The following ZDHHC13 variants were observed in gnomAD, a reference collection of about 807,000 sequenced individuals.
ZDHHC13 encodes the protein palmitoyltransferase ZDHHC13.
ZDHHC13 carries 85 observed loss-of-function variants against 86.0 expected under a neutral mutation model. That is an observed-to-expected ratio of 0.99 (90% confidence interval 0.83 to 1.18). The LOEUF (loss-of-function observed/expected upper bound fraction) is 1.18. ZDHHC13 is among the 50% of genes most tolerant of loss of function. The pLI, the probability that ZDHHC13 is intolerant of heterozygous loss-of-function variation, is 0.00. For missense variants in ZDHHC13, 711 were observed against 730.2 expected (o/e 0.97, Z 0.30); for synonymous variants, 263 against 246.4 (o/e 1.07, Z -0.63).
chr11:19,141,908 C>G (rs552669174), intron 1 of ZDHHC13, among the ~76,000 whole-genome samples: 3 of 152,234 alleles, frequency 2.0e-5, no homozygotes, highest in Admixed American at 6.5e-5. Flanking sequence ...TTTACCCTCC[C>G]AAATTATGCA....
In ZDHHC13 at chr11:19,165,136, C is replaced by T. The variant is rs201511447; in HGVS notation, c.1381C>T (p.Arg461Trp). ...RYDQHCLWTG[R>W]CIGFGNHHYY... The stretch of plus-strand genomic sequence containing the variant: ...TGATCAACACTGCCTGTGGACTGGA[C>T]GGTGCATAGGTGAGAGATTTAATTT... Residue 461 changes from arginine (R) to tryptophan (W), a missense_variant, in exon 13 of 17, where the codon CGG becomes TGG. By Grantham distance (101) the Arg-to-Trp change is moderately radical. Transcript: ENST00000446113. The T allele has an allele frequency of 2.9e-4, 473 of 1,611,678 alleles. 1 individual carries two copies. The highest frequency in any genetic ancestry group is 4.9e-4 in the Admixed American group (29 of 59,680).
chr11:19,166,309 C>A lies in ZDHHC13; in HGVS notation c.1398C>A (p.Gly466=), dbSNP rs770684660. ...TTTTTCTTTTTTCTTGAGGTTTTGG[C>A]AACCATCACTATTACATATTCTTCT... ...CLWTGRCIGF[G]NHHYYIFFLF... The change falls in exon 14 of 17, where the codon GGC becomes GGA. Residue 466 remains glycine, a synonymous_variant. Transcript: ENST00000446113. The A allele has an allele frequency of 6.2e-7, 1 of 1,607,694 alleles. No individual in the cohort carries two copies. Among genetic ancestry groups the A allele is most frequent in the Non-Finnish European group, 8.5e-7 (1 of 1,178,302 alleles).
At chr11:19,165,623 C>T (rs1377800701) in intron 13 of ZDHHC13, among the ~76,000 whole-genome samples, 2 of 152,180 alleles carry the variant, frequency 1.3e-5, no homozygotes, top group South Asian at 2.1e-4. Flanking sequence ...GCTGCCTTGC[C>T]CTTCCCGCTT....
At chr11:19,142,113 C>G (rs934856049) in intron 1 of ZDHHC13, among the ~76,000 whole-genome samples, 1 of 152,122 alleles carries the variant, frequency 6.6e-6, no homozygotes, top group Non-Finnish European at 1.5e-5. Flanking sequence ...TGCTAAGGGT[C>G]TCTCACAGTT....
intron 1 of ZDHHC13, among the ~76,000 whole-genome samples, chr11:19,133,755 AT>A (rs1420700815): frequency 6.6e-6 from 1 of 151,888 alleles, no homozygotes; most frequent in African/African-American, 2.4e-5. Context: ...AAAAGTAATT[AT>A]AACTGAAGTC....
At chr11:19,143,864 A>G (rs576776457) in intron 2 of ZDHHC13, among the ~76,000 whole-genome samples, 1 of 152,354 alleles carries the variant, frequency 6.6e-6, no homozygotes, top group South Asian at 2.1e-4. Context: ...ATCAGACTAC[A>G]TCAAGTATTA....
intron 1 of ZDHHC13, among the ~76,000 whole-genome samples, chr11:19,129,980 C>T (rs899891711): frequency 6.6e-6 from 1 of 151,896 alleles, no homozygotes; most frequent in African/African-American, 2.4e-5. Flanking sequence ...CCCAGCTGCT[C>T]GGGAGGCTGA....
intron 9 of ZDHHC13, 45 bp from the exon 10 acceptor site, chr11:19,158,895 A>AT (rs1317515016): frequency 2.3e-6 from 3 of 1,293,730 alleles, no homozygotes; most frequent in Non-Finnish European, 3.2e-6. Flanking sequence ...AACTAAAATT[A>AT]ATACAAGTCA....
chr11:19,170,459 C>G lies in ZDHHC13; in HGVS notation c.1523C>G (p.Thr508Ser), dbSNP rs374897174. ...ATTFKEDGLWTYLNQIVACSP... is the reference protein window; with the variant it reads ...ATTFKEDGLWSYLNQIVACSP... Reference sequence around the variant, plus strand: ...ACATTCAAAGAAGATGGATTATGGACTTACCTCAATCAGATTGTGGCCTGT... The same window carrying G: ...ACATTCAAAGAAGATGGATTATGGAGTTACCTCAATCAGATTGTGGCCTGT... Residue 508 changes from threonine to serine, a missense_variant, in exon 15 of 17, where the codon ACT becomes AGT. Coordinates refer to ENST00000446113, the MANE Select transcript of ZDHHC13 (RefSeq NM_019028.3). The G allele has an allele frequency of 4.1e-4, 605 of 1,460,398 alleles. 4 individuals are homozygous for G. Among genetic ancestry groups the G allele is most frequent in the South Asian group, 2.2e-3 (178 of 79,880 alleles). The allele number at this position is 1,460,398 out of a possible 1,614,324, so 90.5% of individuals were successfully genotyped here.
At chr11:19,126,513 T>TC (rs1848882025) in intron 1 of ZDHHC13, among the ~76,000 whole-genome samples, 1 of 144,552 alleles carries the variant, frequency 6.9e-6, no homozygotes, top group South Asian at 2.2e-4. Context: ...TTTTTTTTTT[T>TC]TTTTTTTTTT....
intron 12 of ZDHHC13, chr11:19,164,589 T>C (rs1205445369): frequency 1.8e-6 from 1 of 552,142 alleles, no homozygotes; most frequent in Non-Finnish European, 3.2e-6. Context: ...GAATTATCCA[T>C]TGTGTGTTTT....
chr11:19,151,461 A>G (rs1007600602), intron 6 of ZDHHC13, among the ~76,000 whole-genome samples: 9 of 151,950 alleles, frequency 5.9e-5, no homozygotes, highest in African/African-American at 1.7e-4. Flanking sequence ...TTCTAATGCT[A>G]TTTCCTTTTT....
intron 13 of ZDHHC13, among the ~76,000 whole-genome samples, chr11:19,166,090 A>G (rs1405883812): frequency 1.3e-5 from 2 of 152,194 alleles, no homozygotes; most frequent in Admixed American, 6.5e-5. Context: ...TAAGTAAGCA[A>G]TGAATAAATA....
chr11:19,127,100 G>A (rs1330146863), intron 1 of ZDHHC13, among the ~76,000 whole-genome samples: 1 of 152,140 alleles, frequency 6.6e-6, no homozygotes, highest in Non-Finnish European at 1.5e-5. Context: ...CTTTGTCTCT[G>A]TAACCTTGCC....
At chr11:19,169,712 C>T (rs1850168141) in intron 14 of ZDHHC13, 4 of 985,484 alleles carry the variant, frequency 4.1e-6, no homozygotes, top group Non-Finnish European at 4.8e-6. Context: ...TTTCTCCTTA[C>T]TGCTGCTCCT....
intron 1 of ZDHHC13, among the ~76,000 whole-genome samples, chr11:19,135,163 G>A (rs920867109): frequency 2.0e-5 from 3 of 152,234 alleles, no homozygotes; most frequent in Admixed American, 1.3e-4. Context: ...TGAGGTACCG[G>A]GTTCATCTCA....
At chr11:19,140,484 C>T (rs2133394812) in intron 1 of ZDHHC13, among the ~76,000 whole-genome samples, 1 of 152,280 alleles carries the variant, frequency 6.6e-6, no homozygotes, top group Middle Eastern at 3.4e-3. Flanking sequence ...TAAACTAGTT[C>T]AACCATTGTG....
rs894784106 is a variant in ZDHHC13 at position 19,164,460 on chromosome 11, C to T, written c.1296+97C>T. On this transcript the variant is annotated intron_variant, in intron 12 of 16. Transcript: ENST00000446113. Reference sequence around the variant, plus strand: ...GTCAGATCTTCATGGTATATTTATACACCTTTGTTTTTACCCATTTCTAAT... The same window carrying T: ...GTCAGATCTTCATGGTATATTTATATACCTTTGTTTTTACCCATTTCTAAT... The T allele has an allele frequency of 1.2e-5, 14 of 1,192,058 alleles. No homozygotes were observed. The African/African-American group carries it at 1.7e-4, about 14-fold the overall frequency. 73.8% of individuals were successfully genotyped at this position (1,192,058 alleles called of 1,614,324 possible). A position where few individuals can be genotyped will look rare whatever the true frequency, so the allele number is the denominator to read the frequency against.
rs1374314508 is a variant in ZDHHC13 at position 19,163,330 on chromosome 11, G to A, written c.1136G>A (p.Ser379Asn). The A allele has an allele frequency of 2.5e-6, 4 of 1,596,040 alleles. No homozygotes were observed. The highest frequency in any genetic ancestry group is 3.4e-6 in the Non-Finnish European group (4 of 1,172,262). Residue 379 changes from serine (S) to asparagine (N), a missense_variant, in exon 11 of 17, where the codon AGT becomes AAT. Coordinates refer to ENST00000446113, the MANE Select transcript of ZDHHC13 (RefSeq NM_019028.3). Reference sequence around the variant, plus strand: ...TTAGCAGGAGCCCCTTTCTATTTCAGTTTCATTTTCAGCATAGTAGCCTTT... The same window carrying A: ...TTAGCAGGAGCCCCTTTCTATTTCAATTTCATTTTCAGCATAGTAGCCTTT... The part of the protein sequence containing the change: ...PDLAGAPFYF[S>N]FIFSIVAFLY...
Sources: gnomAD v4.1 joint callset for allele counts (sites outside exome capture counted in the v4.1 genomes callset) on GRCh38, gnomAD v4.1.1 for gene constraint, MANE v1.5 for transcripts, NCBI Gene and HGNC (gene_info 2026-07-23, HGNC 2026-07-21) for gene names.